The following FRAS1 variants were observed in gnomAD, a reference collection of about 807,000 sequenced individuals.
The protein encoded by FRAS1 is extracellular matrix organizing protein FRAS1.
In FRAS1, 290 loss-of-function variants were observed where a neutral mutation model predicts 435.2. The observed-to-expected ratio is 0.67, with a 90% CI of 0.61 to 0.73. The LOEUF is 0.73. FRAS1 is among the 30% of genes least tolerant of loss of function. The probability of loss-of-function intolerance (pLI) is 0.00; values close to 1 mark genes in which losing one functional copy is unlikely to be tolerated. For missense variants in FRAS1, 4,860 were observed against 5,001.5 expected (o/e 0.97, Z 0.85); for synonymous variants, 1,800 against 1,851.0 (o/e 0.97, Z 0.71).
chr4:78,129,663 G>C (rs1190030824), intron 2 of FRAS1, among the ~76,000 whole-genome samples: 1 of 152,272 alleles, frequency 6.6e-6, no homozygotes, highest in East Asian at 1.9e-4. Context: ...CCAGAGTCTA[G>C]AGAAGGAAAA....
chr4:78,370,510 TG>T (rs1276553970), intron 23 of FRAS1, among the ~76,000 whole-genome samples: 1 of 152,166 alleles, frequency 6.6e-6, no homozygotes, highest in Non-Finnish European at 1.5e-5. Flanking sequence ...CCCTGCTGGA[TG>T]GAACAGGATC....
chr4:78,252,009 A>G (rs529702089), intron 4 of FRAS1, among the ~76,000 whole-genome samples: 2 of 152,354 alleles, frequency 1.3e-5, no homozygotes, highest in South Asian at 4.1e-4. Context: ...AAACAGGATC[A>G]GAGAGAGCTA....
intron 18 of FRAS1, chr4:78,319,593 T>C (rs1578250193): frequency 3.2e-6 from 1 of 308,286 alleles, no homozygotes; most frequent in East Asian, 7.6e-5. Flanking sequence ...AAAAAATCAT[T>C]AGTTTGTATT....
intron 20 of FRAS1, among the ~76,000 whole-genome samples, chr4:78,358,201 G>GA (rs143136198): frequency 1.7e-4 from 26 of 150,580 alleles, no homozygotes; most frequent in East Asian, 9.7e-4. Context: ...TTGTTTCAAT[G>GA]AAAAAAAAAC....
At chr4:78,470,328 T>C (rs559410528) in intron 51 of FRAS1, among the ~76,000 whole-genome samples, 2 of 152,298 alleles carry the variant, frequency 1.3e-5, no homozygotes, top group East Asian at 1.9e-4. Context: ...ATATAGTAGG[T>C]CAAGCTAGAT....
chr4:78,530,596 A>G (rs1721680661), intron 70 of FRAS1, among the ~76,000 whole-genome samples: 1 of 152,110 alleles, frequency 6.6e-6, no homozygotes, highest in Non-Finnish European at 1.5e-5. Context: ...AGAAAACTGA[A>G]ACTGGACTCC....
At chr4:78,392,803 AT>A (rs1168805783) in intron 29 of FRAS1, among the ~76,000 whole-genome samples, 3 of 151,976 alleles carry the variant, frequency 2.0e-5, no homozygotes, top group African/African-American at 4.8e-5. Flanking sequence ...AGAAAAAAAA[AT>A]ATGAGGAGAT....
chr4:78,337,964 T>G, intron 20 of FRAS1, 147 bp downstream of exon 20: 5 of 711,986 alleles, frequency 7.0e-6, no homozygotes, highest in Non-Finnish European at 9.7e-6. Flanking sequence ...ATGTTACTGC[T>G]TCTCCTTGGG....
intron 2 of FRAS1, among the ~76,000 whole-genome samples, chr4:78,132,956 T>C (rs1176504895): frequency 6.6e-6 from 1 of 152,170 alleles, no homozygotes; most frequent in Non-Finnish European, 1.5e-5. Context: ...GTTTCTGACT[T>C]CTCAGCCCTC....
chr4:78,524,206 G>A (rs1399450301), intron 69 of FRAS1, among the ~76,000 whole-genome samples: 2 of 152,194 alleles, frequency 1.3e-5, no homozygotes, highest in Non-Finnish European at 2.9e-5. Context: ...AGGCACATAT[G>A]ATTCATCTTA....
chr4:78,392,745 G>C (rs1404286926), intron 29 of FRAS1, among the ~76,000 whole-genome samples: 1 of 147,140 alleles, frequency 6.8e-6, no homozygotes, highest in East Asian at 2.0e-4. Context: ...CATTCAGTTG[G>C]TAATATAACT....
chr4:78,229,581 C>CA (rs1724429070), intron 2 of FRAS1, among the ~76,000 whole-genome samples: 1 of 152,116 alleles, frequency 6.6e-6, no homozygotes, highest in African/African-American at 2.4e-5. Context: ...ATGTAGGCAG[C>CA]ACTGCCCTAG....
At chr4:78,392,350 T>C (rs912101763) in intron 29 of FRAS1, among the ~76,000 whole-genome samples, 4 of 152,160 alleles carry the variant, frequency 2.6e-5, no homozygotes, top group Non-Finnish European at 5.9e-5. Context: ...ATTAGTCATT[T>C]TCTATTTAGT....
intron 38 of FRAS1, among the ~76,000 whole-genome samples, chr4:78,434,147 C>G (rs1438597128): frequency 2.0e-5 from 3 of 152,100 alleles, no homozygotes; most frequent in Non-Finnish European, 2.9e-5. Context: ...ATCTGAAATC[C>G]TAGTCACAAA....
intron 2 of FRAS1, among the ~76,000 whole-genome samples, chr4:78,161,742 CAAA>C (rs71214399): frequency 1.2e-3 from 30 of 24,872 alleles, no homozygotes; most frequent in African/African-American, 5.5e-3. Flanking sequence ...AACTCTGTCT[CAAA>C]AAAAAAAAAA....
At chr4:78,115,770 C>T (rs1743121876) in intron 2 of FRAS1, among the ~76,000 whole-genome samples, 2 of 151,896 alleles carry the variant, frequency 1.3e-5, no homozygotes, top group South Asian at 2.1e-4. Context: ...TTGATCTTTT[C>T]AAAAAATCAG....
intron 59 of FRAS1, among the ~76,000 whole-genome samples, chr4:78,490,419 C>T (rs1208106274): frequency 6.6e-6 from 1 of 152,166 alleles, no homozygotes; most frequent in Non-Finnish European, 1.5e-5. Flanking sequence ...AAGCACTCCT[C>T]AGCAAATGCA....
intron 50 of FRAS1, among the ~76,000 whole-genome samples, chr4:78,467,056 C>T (rs2038478272): frequency 6.6e-6 from 1 of 152,182 alleles, no homozygotes; most frequent in African/African-American, 2.4e-5. Context: ...TCCATCCCTT[C>T]AAACATTTAT....
intron 6 of FRAS1, among the ~76,000 whole-genome samples, chr4:78,261,159 T>G (rs1175158795): frequency 2.0e-5 from 3 of 152,146 alleles, no homozygotes; most frequent in African/African-American, 4.8e-5. Flanking sequence ...AATACTGATT[T>G]TAATTTGATA....
Sources: gnomAD v4.1 joint callset for allele counts (sites outside exome capture counted in the v4.1 genomes callset) on GRCh38, gnomAD v4.1.1 for gene constraint, MANE v1.5 for transcripts, NCBI Gene and HGNC (gene_info 2026-07-23, HGNC 2026-07-21) for gene names.